Variants in OGA observed in about 807,000 individuals in gnomAD.
OGA encodes the protein O-GlcNAcase.
OGA carries 21 observed loss-of-function variants against 102.0 expected under a neutral mutation model. That is an observed-to-expected ratio of 0.21 (90% CI 0.15 to 0.30). OGA has a LOEUF of 0.30. OGA is among the 10% of genes least tolerant of loss of function. The probability of loss-of-function intolerance (pLI) is 1.00; values close to 1 mark genes in which losing one functional copy is unlikely to be tolerated. For synonymous variants in OGA, 408 were observed against 378.2 expected (o/e 1.08, Z -0.91); for missense variants, 765 against 1,107.8 (o/e 0.69, Z 4.39).
intron 5 of OGA, among the ~76,000 whole-genome samples, chr10:101,806,787 A>G (rs1564647845): frequency 6.6e-6 from 1 of 152,186 alleles, no homozygotes; most frequent in Admixed American, 6.5e-5. Flanking sequence ...GAATATGCCA[A>G]TGGCAGCTGG....
Position 101,785,299 on chromosome 10 carries a change from C to T in OGA, c.*1152G>A, listed in dbSNP as rs1464876006. The T allele has an allele frequency of 6.6e-6, 1 of 152,300 alleles. No homozygotes were observed. The highest frequency in any genetic ancestry group is 1.9e-4 in the East Asian group (1 of 5,198). 9.4% of individuals were successfully genotyped at this position (152,300 alleles called of 1,614,324 possible). A position where few individuals can be genotyped will look rare whatever the true frequency, so the allele number is the denominator to read the frequency against. On this transcript the variant is annotated 3_prime_UTR_variant, in exon 16 of 16. Coordinates refer to ENST00000361464, the MANE Select transcript of OGA (RefSeq NM_012215.5). ...AAAGGAAAAAGGTAACTGTAAATAA[C>T]TGGTTAAAGTGTGCTCATTCATTCA...
chr10:101,809,274 T>G (rs1268038886), intron 4 of OGA, among the ~76,000 whole-genome samples: 1 of 152,198 alleles, frequency 6.6e-6, no homozygotes, highest in Non-Finnish European at 1.5e-5. Context: ...CCTTATCCAT[T>G]TGGGAAATAA....
chr10:101,816,309 G>C (rs990230804), intron 1 of OGA, among the ~76,000 whole-genome samples: 5 of 152,182 alleles, frequency 3.3e-5, no homozygotes, highest in African/African-American at 1.2e-4. Context: ...GCTGGCTCAG[G>C]TGCTCAGTCA....
rs372439812 is a variant in OGA, at chr10:101,812,555, C to T, written c.349+475G>A. ...AAAAGGAACAATCAGTAGTGCTGAT[C>T]CTGTCTTTACCTAAAATTTTAGCAT... On this transcript the variant is annotated intron_variant, in intron 3 of 15. Transcript: ENST00000361464. Among the ~76,000 whole-genome samples the T allele has an allele frequency of 3.3e-5, 5 of 152,202 alleles. No individual in the cohort carries two copies. The East Asian group carries it at 9.6e-4, about 29-fold the overall frequency.
intron 11 of OGA, chr10:101,793,703 C>T (rs933886383): frequency 4.1e-6 from 2 of 483,486 alleles, no homozygotes; most frequent in Non-Finnish European, 7.5e-6. Context: ...CGCTGCGCTT[C>T]GCAGGCGCGG....
intron 3 of OGA, among the ~76,000 whole-genome samples, chr10:101,811,954 A>C (rs1248165651): frequency 6.6e-6 from 1 of 152,156 alleles, no homozygotes; most frequent in African/African-American, 2.4e-5. Context: ...GCACCACCAG[A>C]AAGTAATTAA....
chr10:101,799,228 TTTC>T lies in OGA; in HGVS notation c.1420_1422del (p.Glu474del), dbSNP rs763371196. ...ATTTGATTGTCATTCTTGTGGTCCG[TTTC>T]TTCTTGTTTTTCCACCACCATGTCC... On this transcript the variant is annotated inframe_deletion, in exon 9 of 16. Coordinates refer to ENST00000361464, the MANE Select transcript of OGA (RefSeq NM_012215.5). 1.2e-6 allele frequency: 2 copies of T among 1,614,234 alleles called. No individual in the cohort carries two copies. The highest frequency in any genetic ancestry group is 2.7e-5 in the African/African-American group (2 of 75,052).
chr10:101,798,340 T>C (rs2135050908), intron 9 of OGA, among the ~76,000 whole-genome samples, 186 bp from the exon 10 acceptor site: 1 of 151,548 alleles, frequency 6.6e-6, no homozygotes, highest in African/African-American at 2.4e-5. Flanking sequence ...CATTCTTAAC[T>C]AGAAGGGCAA....
Position 101,810,295 on chromosome 10 carries a change from G to A in OGA, c.369C>T (p.Ile123=). ...CTATCTCATATTCTCGTGCAGCAGA[G>A]ATGAGAGTCATAAGTTGCTCTAAAG... ...VEEAEQLMTL[I]SAAREYEIEF... Residue 123 remains isoleucine, a synonymous_variant, in exon 4 of 16, where the codon ATC becomes ATT. Transcript: ENST00000361464. The A allele has an allele frequency of 6.2e-7, 1 of 1,612,394 alleles. No homozygotes were observed. Among genetic ancestry groups the A allele is most frequent in the Non-Finnish European group, 8.5e-7 (1 of 1,178,912 alleles).
intron 14 of OGA, chr10:101,787,755 A>ATG: frequency 2.4e-6 from 1 of 416,200 alleles, no homozygotes; most frequent in South Asian, 2.8e-5. Flanking sequence ...CCTCGCGTGC[A>ATG]CGCGCTCTCT....
rs140082655 is a variant in OGA at position 101,798,141 on chromosome 10, C to T, written c.1823G>A (p.Arg608Gln). 5.6e-6 allele frequency: 9 copies of T among 1,613,646 alleles called. No homozygotes were observed. The highest frequency in any genetic ancestry group is 2.7e-5 in the African/African-American group (2 of 74,880). ...CTCTTCAAACTTGGCTGCTCGTGACCGCCATTCTTCAATCTATTGAAGATC... is the reference window on the plus strand; with the variant it reads ...CTCTTCAAACTTGGCTGCTCGTGACTGCCATTCTTCAATCTATTGAAGATC... ...GKDSEKIEEW[R>Q]SRAAKFEEMC... The change falls in exon 10 of 16, where the codon CGG (arginine) becomes CAG (glutamine). Residue 608 changes from arginine (R) to glutamine (Q), a missense_variant. By Grantham distance (43) the Arg-to-Gln change is conservative (BLOSUM62 1). Coordinates refer to ENST00000361464, the MANE Select transcript of OGA (RefSeq NM_012215.5).
intron 7 of OGA, among the ~76,000 whole-genome samples, chr10:101,802,719 G>A (rs1019931551): frequency 6.6e-6 from 1 of 151,628 alleles, no homozygotes; most frequent in African/African-American, 2.4e-5. Context: ...CAGTGCCCAT[G>A]AACATGCATC....
intron 12 of OGA, among the ~76,000 whole-genome samples, chr10:101,792,088 G>A (rs556830228): frequency 5.8e-4 from 88 of 151,864 alleles, no homozygotes; most frequent in African/African-American, 1.7e-3. Flanking sequence ...GCATGATCTC[G>A]GCTTACTGCA....
chr10:101,797,586 A>C (rs1001757891), intron 10 of OGA: 2 of 302,692 alleles, frequency 6.6e-6, no homozygotes, highest in African/African-American at 2.2e-5. Context: ...TTGTTCTGTT[A>C]AACATAGCAT....
At chr10:101,791,690 G>C (rs1331317402) in intron 12 of OGA, among the ~76,000 whole-genome samples, 2 of 152,202 alleles carry the variant, frequency 1.3e-5, no homozygotes, top group African/African-American at 4.8e-5. Context: ...TGTTTTTTGA[G>C]ACAAAGTCTT....
At chr10:101,808,993 C>T (rs775402893) in intron 4 of OGA, among the ~76,000 whole-genome samples, 3 of 151,920 alleles carry the variant, frequency 2.0e-5, no homozygotes, top group Non-Finnish European at 4.4e-5. Flanking sequence ...AAAATGGAAG[C>T]CCCCTACATT....
At chr10:101,805,717 A>T (rs990354112) in intron 6 of OGA, among the ~76,000 whole-genome samples, 2 of 149,670 alleles carry the variant, frequency 1.3e-5, no homozygotes, top group Admixed American at 6.7e-5. Context: ...GCACTTTGGG[A>T]GGCCAAGGCG....
Position 101,799,303 on chromosome 10 carries a change from T to A in OGA, c.1348A>T (p.Thr450Ser), listed in dbSNP as rs781524499. The stretch of plus-strand genomic sequence containing the variant: ...TTCTTTTCTTCTTCCTTGGTCAGAG[T>A]AGTAGGCTCACCACTCAAGGCTGCT... The part of the protein sequence containing the change: ...QGAALSGEPT[T>S]LTKEEEKKQP... The change falls in exon 9 of 16, where the codon ACT (threonine) becomes TCT (serine). Residue 450 changes from threonine (T) to serine (S), a missense_variant. Coordinates refer to ENST00000361464, the MANE Select transcript of OGA (RefSeq NM_012215.5). 1 of 1,614,076 alleles carries A rather than the reference T, an allele frequency of 6.2e-7. No individual in the cohort carries two copies. Among genetic ancestry groups the A allele is most frequent in the African/African-American group, 1.3e-5 (1 of 74,980 alleles).
rs1468103166 is a variant in OGA, at chr10:101,817,832, A to C, written c.191T>G (p.Val64Gly). 1 of 1,538,982 alleles carries C rather than the reference A, an allele frequency of 6.5e-7. No homozygotes were observed. The highest frequency in any genetic ancestry group is 8.7e-7 in the Non-Finnish European group (1 of 1,146,706). ...GGAAGGAGGGCGCTCACCTTCCACC[A>C]CACCGCAGAGGAACCGCCGAGCCCC... ...AGGARRFLCG[V>G]VEGFYGRPWV... is the part of the protein sequence containing the mutation. Residue 64 changes from valine to glycine, a missense_variant, in exon 1 of 16, where the codon GTG (valine) becomes GGG (glycine). By Grantham distance (109) the Val-to-Gly change is moderately radical. Coordinates refer to ENST00000361464, the MANE Select transcript of OGA (RefSeq NM_012215.5).
Sources: allele counts gnomAD v4.1 joint callset (sites outside exome capture counted in the v4.1 genomes callset), GRCh38; gene constraint gnomAD v4.1.1; transcripts MANE v1.5; gene names NCBI Gene and HGNC (gene_info 2026-07-23, HGNC 2026-07-21).